Variants in DKK3 observed in about 807,000 individuals in gnomAD.
The protein encoded by DKK3 is dickkopf Wnt signaling pathway inhibitor 3.
Under a neutral mutation model 33.2 loss-of-function variants are expected in DKK3, and 22 were observed. The observed-to-expected ratio is 0.66, with a 90% CI of 0.47 to 0.95. The LOEUF is 0.95. DKK3 is among the 40% of genes least tolerant of loss of function. DKK3 has a pLI of 0.00. For missense variants in DKK3, 398 were observed against 458.4 expected (o/e 0.87, Z 1.20); for synonymous variants, 194 against 188.8 (o/e 1.03, Z -0.23).
At position 12,008,407 on chromosome 11, in the gene DKK3, T is replaced by G; in HGVS notation, c.176A>C (p.Glu59Ala). Residue 59 changes from glutamate (E) to alanine (A), a missense_variant, in exon 1 of 7, where the codon GAG becomes GCG. Physicochemically the swap from Glu to Ala is moderately radical, Grantham distance 107. Transcript: ENST00000683431. This position sits in a 1 kb window ranked among gnomAD's most constrained non-coding sequence, Gnocchi z 4.6. ...GCTGCGCAATTTGTGCTGCGTGTCC[T>G]CCATCAGTTCCTCAACCTCGCGGAA... is the stretch of plus-strand genomic sequence containing the variant. Reference protein sequence around the residue: ...EMFREVEELMEDTQHKLRSAV... With the variant: ...EMFREVEELMADTQHKLRSAV... The G allele has an allele frequency of 6.2e-7, 1 of 1,608,684 alleles. No individual in the cohort carries two copies. Among genetic ancestry groups the G allele is most frequent in the Non-Finnish European group, 8.5e-7 (1 of 1,178,468 alleles).
chr11:11,970,538 GTATGT>G (rs1847702669), intron 3 of DKK3, among the ~76,000 whole-genome samples: 1 of 152,346 alleles, frequency 6.6e-6, no homozygotes, highest in African/African-American at 2.4e-5. Context: ...GAACCTGTGG[GTATGT>G]TATATTACAT....
At chr11:11,986,746 T>C (rs184682713) in intron 3 of DKK3, among the ~76,000 whole-genome samples, 173 of 152,340 alleles carry the variant, frequency 1.1e-3, no homozygotes, top group Middle Eastern at 6.8e-3. Flanking sequence ...CATTTTACCG[T>C]CTGCCATGAC....
At chr11:11,994,249 C>T (rs1848245598) in intron 3 of DKK3, among the ~76,000 whole-genome samples, 1 of 152,050 alleles carries the variant, frequency 6.6e-6, no homozygotes, top group Non-Finnish European at 1.5e-5. Flanking sequence ...TAATGAACCT[C>T]ACACAAAGAG....
rs529376036 is a variant in DKK3 at position 11,999,043 on chromosome 11, C to T, written c.352-264G>A. 3.6e-4 allele frequency among the ~76,000 whole-genome samples: 55 copies of T among 152,088 alleles called. 1 individual carries two copies. Among genetic ancestry groups the T allele is most frequent in the South Asian group, 2.1e-4 (1 of 4,816 alleles). ...ATGAGGGGATCCGGAGAAATCACTC[C>T]GCACAGTGCCCAACACCCAGCAAAA... On this transcript the variant is annotated intron_variant, in intron 2 of 6. Coordinates refer to ENST00000683431, the MANE Select transcript of DKK3 (RefSeq NM_001018057.2).
At chr11:11,984,095 G>A (rs966971110) in intron 3 of DKK3, among the ~76,000 whole-genome samples, 1 of 152,142 alleles carries the variant, frequency 6.6e-6, no homozygotes. Context: ...GTGGACACTG[G>A]CCTTTTTAAA....
rs746329146 is a variant in DKK3 at position 11,964,686 on chromosome 11, G to A, written c.831C>T (p.Ser277=). 12 of 1,612,712 alleles carry A rather than the reference G, an allele frequency of 7.4e-6. No homozygotes were observed. The highest frequency in any genetic ancestry group is 1.1e-5 in the South Asian group (1 of 90,976). Reference sequence around the variant, plus strand: ...GCTTGCACACATACACCAGGCTGTGGCTGGGGAGAGATGGGACAAAGCCAG... The same window carrying A: ...GCTTGCACACATACACCAGGCTGTGACTGGGGAGAGATGGGACAAAGCCAG... The part of the protein sequence containing the change: ...CASGLLCQPH[S]HSLVYVCKPT... The change falls in exon 7 of 7, where the codon AGC becomes AGT. Residue 277 remains serine, a splice_region_variant and synonymous_variant. Transcript: ENST00000683431.
chr11:11,975,426 C>A (rs1210100487), intron 3 of DKK3, among the ~76,000 whole-genome samples: 1 of 152,212 alleles, frequency 6.6e-6, no homozygotes, highest in Non-Finnish European at 1.5e-5. Flanking sequence ...TTGGGTGGGG[C>A]ATGTTATCTG....
chr11:11,997,103 A>G (rs990049773), intron 3 of DKK3, among the ~76,000 whole-genome samples: 1 of 152,244 alleles, frequency 6.6e-6, no homozygotes, highest in Non-Finnish European at 1.5e-5. Context: ...TGGAGGGGGC[A>G]GCATGGGATG....
At chr11:11,969,582 C>A (rs754065239) in intron 3 of DKK3, among the ~76,000 whole-genome samples, 1 of 152,152 alleles carries the variant, frequency 6.6e-6, no homozygotes, top group Non-Finnish European at 1.5e-5. Flanking sequence ...GAGAAGGACC[C>A]TCCTGAGGCC....
At chr11:12,009,422 C>CATCCTA, upstream of DKK3, 1 of 869,998 alleles carries the variant, frequency 1.1e-6, no homozygotes. Context: ...CGCGGAGGGG[C>CATCCTA]CGCAGCCCGG....
intron 3 of DKK3, among the ~76,000 whole-genome samples, chr11:11,971,043 T>TC (rs1178246858): frequency 8.5e-5 from 13 of 152,102 alleles, no homozygotes; most frequent in African/African-American, 3.1e-4. Context: ...TTTTTTTTTT[T>TC]TTTTGCAGGC....
In DKK3 at chr11:11,985,189, C is replaced by T. The variant is rs138111329; in HGVS notation, c.435+13507G>A. ...CAGAAACCCTGGAGCCGCCCATCCT[C>T]ATAATGGTCTTGGTGCTTCCGGCTG... is the stretch of plus-strand genomic sequence containing the variant. On this transcript the variant is annotated intron_variant, in intron 3 of 6. Coordinates refer to ENST00000683431, the MANE Select transcript of DKK3 (RefSeq NM_001018057.2). 2.9e-3 allele frequency among the ~76,000 whole-genome samples: 442 copies of T among 152,294 alleles called. 1 individual carries two copies. Among genetic ancestry groups the T allele is most frequent in the African/African-American group, 0.01 (427 of 41,566 alleles).
chr11:11,966,911 C>T (rs202022761), intron 5 of DKK3, 43 bp downstream of exon 5: 361 of 1,604,268 alleles, frequency 2.3e-4, no homozygotes, highest in Non-Finnish European at 3.0e-4. Context: ...TGTGGTGGAG[C>T]TTGGGACAGG....
At position 11,964,453 on chromosome 11, in the gene DKK3, C is replaced by A. The variant is rs1206202632; in HGVS notation, c.*11G>T. On this transcript the variant is annotated 3_prime_UTR_variant, in exon 7 of 7. Transcript: ENST00000683431. Reference sequence around the variant, plus strand: ...TTTCTATTGCACATCTACCCACAGCCTGGTCCAGATCTAAATCTCTTCCCC... The same window carrying A: ...TTTCTATTGCACATCTACCCACAGCATGGTCCAGATCTAAATCTCTTCCCC... 6.2e-7 allele frequency: 1 copy of A among 1,608,594 alleles called. No individual in the cohort carries two copies.
At chr11:11,998,385 T>C (rs1190466675) in intron 3 of DKK3, 6 of 460,820 alleles carry the variant, frequency 1.3e-5, no homozygotes, top group African/African-American at 1.2e-4. Flanking sequence ...ATATACCAGG[T>C]CTGTCACCAA....
At chr11:11,996,720 G>T (rs756979090) in intron 3 of DKK3, among the ~76,000 whole-genome samples, 1 of 152,216 alleles carries the variant, frequency 6.6e-6, no homozygotes, top group Non-Finnish European at 1.5e-5. Flanking sequence ...CCTCCAGCAC[G>T]TGGGGTACTT....
At chr11:11,979,995 A>C (rs1253160631) in intron 3 of DKK3, 1 of 152,288 alleles carries the variant, frequency 6.6e-6, no homozygotes, top group Non-Finnish European at 1.5e-5. Flanking sequence ...GGGAGTGAAC[A>C]AAAGGTGTGT....
intron 1 of DKK3, among the ~76,000 whole-genome samples, chr11:12,003,182 T>C (rs999748508): frequency 6.6e-6 from 1 of 152,144 alleles, no homozygotes; most frequent in Non-Finnish European, 1.5e-5. Context: ...AAATGCACTA[T>C]TTGCTCTTAA....
At chr11:12,001,374 C>T (rs1301279865) in intron 2 of DKK3, among the ~76,000 whole-genome samples, 1 of 152,178 alleles carries the variant, frequency 6.6e-6, no homozygotes, top group Non-Finnish European at 1.5e-5. Context: ...GGCAACGGCA[C>T]ATAAAAATTG....
Sources: gnomAD v4.1 joint callset for allele counts (sites outside exome capture counted in the v4.1 genomes callset) on GRCh38, gnomAD v4.1.1 for gene constraint, Gnocchi (gnomAD v3.1) non-coding constraint, MANE v1.5 for transcripts, NCBI Gene and HGNC (gene_info 2026-07-23, HGNC 2026-07-21) for gene names.